Variants in VPS54 observed in about 807,000 individuals in gnomAD.
VPS54 encodes vacuolar protein sorting-associated protein 54.
A neutral mutation model predicts 121.5 loss-of-function variants in VPS54; 45 were observed. The observed-to-expected ratio is 0.37, with a 90% confidence interval of 0.29 to 0.47. VPS54 has a LOEUF of 0.47. VPS54 is among the 20% of genes least tolerant of loss of function. The pLI is 0.99. For missense variants in VPS54, 1,090 were observed against 1,131.4 expected (o/e 0.96, Z 0.52); for synonymous variants, 371 against 385.8 (o/e 0.96, Z 0.45).
At chr2:63,957,107 T>C (rs1366716709) in intron 7 of VPS54, among the ~76,000 whole-genome samples, 1 of 152,288 alleles carries the variant, frequency 6.6e-6, no homozygotes, top group African/African-American at 2.4e-5. Context: ...TTTTTATTGG[T>C]AATAGATAGC....
At chr2:63,975,144 C>T in intron 3 of VPS54, 1 of 939,802 alleles carries the variant, frequency 1.1e-6, no homozygotes, top group Non-Finnish European at 1.5e-6. Context: ...CTCCTGGGTC[C>T]AAGTGATTCT....
intron 12 of VPS54, among the ~76,000 whole-genome samples, chr2:63,931,112 G>A (rs980699452): frequency 5.3e-5 from 8 of 152,144 alleles, no homozygotes; most frequent in South Asian, 2.1e-4. Flanking sequence ...TAGATTCAAT[G>A]CCATCCCCAT....
chr2:63,974,935 T>TA, intron 3 of VPS54: 3 of 1,508,978 alleles, frequency 2.0e-6, no homozygotes, highest in East Asian at 2.5e-5. Context: ...TTACATTAGT[T>TA]AGGACTTCCA....
chr2:63,970,941 T>C (rs1676257836), intron 4 of VPS54, among the ~76,000 whole-genome samples: 1 of 152,136 alleles, frequency 6.6e-6, no homozygotes, highest in Non-Finnish European at 1.5e-5. Context: ...ATCTTCAGCC[T>C]AAATCTTCAA....
chr2:63,896,355 G>A (rs1672445347), intron 22 of VPS54, among the ~76,000 whole-genome samples: 1 of 152,166 alleles, frequency 6.6e-6, no homozygotes, highest in Non-Finnish European at 1.5e-5. Context: ...GTATGGGGGT[G>A]GGAGGGAGAA....
intron 20 of VPS54, among the ~76,000 whole-genome samples, chr2:63,910,598 C>T (rs1171807119): frequency 6.6e-6 from 1 of 152,048 alleles, no homozygotes; most frequent in Non-Finnish European, 1.5e-5. Flanking sequence ...TTTAAAAATG[C>T]ATACTTAGGT....
intron 12 of VPS54, among the ~76,000 whole-genome samples, chr2:63,927,221 C>T (rs1673949277): frequency 6.6e-6 from 1 of 152,180 alleles, no homozygotes; most frequent in Non-Finnish European, 1.5e-5. Context: ...ATCCCTGACC[C>T]CCGTGCAGCC....
chr2:63,917,834 C>G (rs1673460192), intron 15 of VPS54, among the ~76,000 whole-genome samples: 1 of 151,968 alleles, frequency 6.6e-6, no homozygotes, highest in Non-Finnish European at 1.5e-5. Context: ...TCTACCACTT[C>G]CTAGCTATGT....
At chr2:63,895,983 T>C (rs1207554654) in intron 22 of VPS54, among the ~76,000 whole-genome samples, 1 of 152,232 alleles carries the variant, frequency 6.6e-6, no homozygotes, top group Non-Finnish European at 1.5e-5. Flanking sequence ...GGGTTAGGCC[T>C]TAAAAATATT....
intron 1 of VPS54, among the ~76,000 whole-genome samples, chr2:63,998,011 T>C (rs2104664737): frequency 6.6e-6 from 1 of 152,312 alleles, no homozygotes; most frequent in Non-Finnish European, 1.5e-5. Context: ...CTAATATTGA[T>C]TTCTGGTTTT....
intron 1 of VPS54, among the ~76,000 whole-genome samples, chr2:64,006,292 T>C (rs889548751): frequency 6.6e-6 from 1 of 152,228 alleles, no homozygotes; most frequent in Non-Finnish European, 1.5e-5. Context: ...ACATTTCAAA[T>C]AATCTAAAAA....
intron 20 of VPS54, among the ~76,000 whole-genome samples, chr2:63,907,985 T>G (rs1398732529): frequency 1.3e-5 from 2 of 152,196 alleles, no homozygotes; most frequent in African/African-American, 4.8e-5. Flanking sequence ...TAGAAAATTT[T>G]AGAAAAATTT....
At chr2:63,963,465 G>A (rs1412009806) in intron 6 of VPS54, among the ~76,000 whole-genome samples, 4 of 151,640 alleles carry the variant, frequency 2.6e-5, no homozygotes, top group Admixed American at 6.6e-5. Context: ...CTCAGACTTC[G>A]GGCATTATCT....
intron 6 of VPS54, among the ~76,000 whole-genome samples, chr2:63,965,056 CA>C (rs1195611742): frequency 3.3e-5 from 5 of 152,170 alleles, no homozygotes; most frequent in Admixed American, 6.5e-5. Context: ...TGCAAAGCTA[CA>C]AAAACAATAG....
intron 5 of VPS54, among the ~76,000 whole-genome samples, chr2:63,968,215 C>T (rs566900821): frequency 5.3e-5 from 8 of 151,916 alleles, no homozygotes; most frequent in Non-Finnish European, 7.4e-5. Flanking sequence ...TTATACATCT[C>T]GACAAAATTT....
chr2:63,905,982 T>C (rs1041916680), intron 20 of VPS54, among the ~76,000 whole-genome samples: 29 of 152,144 alleles, frequency 1.9e-4, no homozygotes, highest in Admixed American at 3.3e-4. Context: ...AAATTCAACA[T>C]CTGTTCATCA....
chr2:63,923,583 A>G (rs1016175515), intron 12 of VPS54, among the ~76,000 whole-genome samples: 3 of 152,220 alleles, frequency 2.0e-5, no homozygotes, highest in African/African-American at 4.8e-5. Context: ...TTGTATGTAT[A>G]TATCACATAC....
At chr2:63,988,289 C>A (rs1392410081) in intron 1 of VPS54, among the ~76,000 whole-genome samples, 1 of 152,140 alleles carries the variant, frequency 6.6e-6, no homozygotes, top group African/African-American at 2.4e-5. Flanking sequence ...CTCCTTCATT[C>A]TCTTGATATG....
At chr2:63,947,045 T>A (rs1437804502) in intron 9 of VPS54, among the ~76,000 whole-genome samples, 3 of 151,846 alleles carry the variant, frequency 2.0e-5, no homozygotes, top group Non-Finnish European at 4.4e-5. Context: ...AGATTTAACA[T>A]AATGTTAATG....
Sources: gnomAD v4.1 joint callset for allele counts (sites outside exome capture counted in the v4.1 genomes callset) on GRCh38, gnomAD v4.1.1 for gene constraint, MANE v1.5 for transcripts, NCBI Gene and HGNC (gene_info 2026-07-23, HGNC 2026-07-21) for gene names.